The following MND1 variants were observed in gnomAD, a reference collection of about 807,000 sequenced individuals.
MND1 encodes the protein meiotic nuclear division protein 1 homolog.
MND1 carries 28 observed loss-of-function variants against 35.1 expected under a neutral mutation model. The observed-to-expected ratio is 0.80, with a 90% CI of 0.59 to 1.09. The LOEUF (loss-of-function observed/expected upper bound fraction) is 1.09. Among genes scored for constraint, MND1 ranks in the 50% least tolerant of loss-of-function variants. MND1 has a pLI of 0.00. For missense variants in MND1, 213 were observed against 239.6 expected (o/e 0.89, Z 0.73); for synonymous variants, 69 against 70.5 (o/e 0.98, Z 0.11).
chr4:153,399,976 C>T lies in MND1; in HGVS notation c.466+2643C>T, dbSNP rs1561077544. Among the ~76,000 whole-genome samples the T allele has an allele frequency of 5.3e-5, 7 of 131,740 alleles. No individual in the cohort carries two copies. In the Admixed American group the frequency reaches 5.8e-4, roughly 11 times the overall value. 86.4% of individuals were successfully genotyped at this position (131,740 alleles called of 152,430 possible). On this transcript the variant is annotated intron_variant, in intron 6 of 7. Transcript: ENST00000240488. ...AAGTGCAGTGCATGATCAGGGATCA[C>T]GGTAGCCTCAACCCCCGCAAGCTCA...
intron 2 of MND1, among the ~76,000 whole-genome samples, chr4:153,355,371 C>T (rs1773314982): frequency 6.6e-6 from 1 of 151,778 alleles, no homozygotes; most frequent in South Asian, 2.1e-4. Context: ...TGTAGTAGAA[C>T]ACGATAGGGT....
chr4:153,353,084 A>G (rs2149629949), intron 2 of MND1, among the ~76,000 whole-genome samples: 1 of 152,258 alleles, frequency 6.6e-6, no homozygotes, highest in African/African-American at 2.4e-5. Context: ...AAGTATTTGC[A>G]AAGAGGTTTG....
intron 1 of MND1, among the ~76,000 whole-genome samples, chr4:153,349,857 C>G (rs1773167915): frequency 6.6e-6 from 1 of 152,202 alleles, no homozygotes. Flanking sequence ...ATGCCAGGCT[C>G]TGCCTCAATT....
chr4:153,377,022 G>A (rs1245668749), intron 4 of MND1, among the ~76,000 whole-genome samples: 1 of 152,132 alleles, frequency 6.6e-6, no homozygotes, highest in East Asian at 1.9e-4. Context: ...TTTTGACTGA[G>A]TTTTATTTAA....
intron 4 of MND1, among the ~76,000 whole-genome samples, chr4:153,378,338 C>CT (rs1324680689): frequency 6.6e-6 from 1 of 151,964 alleles, no homozygotes. Flanking sequence ...GAATTTTTAA[C>CT]TTTTTTTTCT....
At chr4:153,356,552 C>CAAAAAAAA (rs34763120) in intron 3 of MND1, among the ~76,000 whole-genome samples, 3 of 60,050 alleles carry the variant, frequency 5.0e-5, no homozygotes, top group Non-Finnish European at 8.5e-5. Flanking sequence ...AACTCAGTCT[C>CAAAAAAAA]AAAAAAAAAA....
intron 4 of MND1, among the ~76,000 whole-genome samples, chr4:153,382,984 T>A (rs1196380143): frequency 6.6e-6 from 1 of 152,166 alleles, no homozygotes; most frequent in Non-Finnish European, 1.5e-5. Context: ...CCAATGCTCT[T>A]GGAAAAAAAA....
intron 2 of MND1, among the ~76,000 whole-genome samples, chr4:153,352,633 G>A (rs946811507): frequency 6.6e-6 from 1 of 151,752 alleles, no homozygotes; most frequent in Non-Finnish European, 1.5e-5. Context: ...CAACATTTTG[G>A]GAGGCCAAGG....
At chr4:153,386,327 CAA>C (rs776222530) in intron 4 of MND1, among the ~76,000 whole-genome samples, 7 of 104,060 alleles carry the variant, frequency 6.7e-5, no homozygotes, top group Non-Finnish European at 6.2e-5. Flanking sequence ...CTCGTCTCTA[CAA>C]AAAAAAAAAA....
intron 6 of MND1, among the ~76,000 whole-genome samples, chr4:153,399,162 G>T (rs2149655273): frequency 6.6e-6 from 1 of 152,230 alleles, no homozygotes. Context: ...AGTTTTGTGT[G>T]ATTCTTGTAC....
At chr4:153,363,804 A>G (rs1449070504) in intron 4 of MND1, among the ~76,000 whole-genome samples, 1 of 152,226 alleles carries the variant, frequency 6.6e-6, no homozygotes, top group Non-Finnish European at 1.5e-5. Flanking sequence ...CTTTCTGAAG[A>G]CAGTATGAAG....
At chr4:153,382,939 C>A (rs1350984098) in intron 4 of MND1, among the ~76,000 whole-genome samples, 2 of 152,124 alleles carry the variant, frequency 1.3e-5, no homozygotes, top group Non-Finnish European at 2.9e-5. Context: ...ATGATGGAGA[C>A]TACTGAATAG....
intron 7 of MND1, among the ~76,000 whole-genome samples, chr4:153,410,834 T>C (rs1384764447): frequency 6.6e-6 from 1 of 151,894 alleles, no homozygotes; most frequent in Non-Finnish European, 1.5e-5. Context: ...CTACTAAAAA[T>C]ACAAAAATTA....
chr4:153,354,118 G>T (rs1310732449), intron 2 of MND1, among the ~76,000 whole-genome samples: 1 of 151,696 alleles, frequency 6.6e-6, no homozygotes, highest in African/African-American at 2.4e-5. Flanking sequence ...AGGCTTATTA[G>T]CAGTAGAAAA....
intron 7 of MND1, among the ~76,000 whole-genome samples, chr4:153,411,702 T>C (rs1729689234): frequency 6.6e-6 from 1 of 152,210 alleles, no homozygotes; most frequent in Non-Finnish European, 1.5e-5. Flanking sequence ...GATCCAGGTT[T>C]GAAGTTTGTT....
chr4:153,369,682 C>G (rs1178622020), intron 4 of MND1, among the ~76,000 whole-genome samples: 1 of 151,136 alleles, frequency 6.6e-6, no homozygotes, highest in Non-Finnish European at 1.5e-5. Flanking sequence ...GCTGACTGAT[C>G]AGGGTGATGG....
intron 6 of MND1, among the ~76,000 whole-genome samples, chr4:153,407,742 T>G (rs1212183803): frequency 1.3e-5 from 2 of 152,068 alleles, no homozygotes; most frequent in Non-Finnish European, 2.9e-5. Context: ...TTGAAAACAT[T>G]GTGTTAAGTG....
At chr4:153,413,716 T>C (rs1483475968) in intron 7 of MND1, among the ~76,000 whole-genome samples, 1 of 150,878 alleles carries the variant, frequency 6.6e-6, no homozygotes. Flanking sequence ...AAAAATCCAC[T>C]GTTCCTCCCA....
chr4:153,390,889 A>ATATATGTGTGTGTGTG (rs757236550), intron 4 of MND1, among the ~76,000 whole-genome samples: 3 of 139,774 alleles, frequency 2.1e-5, no homozygotes, highest in African/African-American at 7.9e-5. Context: ...AGGTATATAT[A>ATATATGTGTGTGTGTG]TGTGTGTGTG....
Sources: gnomAD v4.1 joint callset for allele counts (sites outside exome capture counted in the v4.1 genomes callset) on GRCh38, gnomAD v4.1.1 for gene constraint, MANE v1.5 for transcripts, NCBI Gene and HGNC (gene_info 2026-07-23, HGNC 2026-07-21) for gene names.